Variants in XNDC1N observed in about 807,000 individuals in gnomAD.
The protein encoded by XNDC1N is XRCC1 N-terminal domain containing 1, N-terminal like, also known as protein XNDC1N.
chr11:71,920,159 C>T, the XNDC1N span, among the ~76,000 whole-genome samples: 2 of 138,584 alleles, frequency 1.4e-5, no homozygotes, highest in African/African-American at 2.7e-5. Flanking sequence ...CGGGGTTTCA[C>T]GTGTTAGCCA....
At chr11:71,927,899 C>G in the XNDC1N span, 1 of 152,392 alleles carries the variant, frequency 6.6e-6, no homozygotes, top group African/African-American at 2.4e-5. Context: ...TTCTGTTGGT[C>G]CCAATGTAAA....
the XNDC1N span, among the ~76,000 whole-genome samples, chr11:71,923,131 G>A: frequency 2.0e-5 from 3 of 152,296 alleles, no homozygotes; most frequent in African/African-American, 4.8e-5. Flanking sequence ...CTTCTTTTGC[G>A]CATCCTGCAC....
At chr11:71,899,635 C>A in the XNDC1N span, among the ~76,000 whole-genome samples, 4 of 152,174 alleles carry the variant, frequency 2.6e-5, no homozygotes, top group Non-Finnish European at 4.4e-5. Context: ...TAAAAGTCAT[C>A]GCCATTCTCT....
At chr11:71,922,411 C>T in the XNDC1N span, among the ~76,000 whole-genome samples, 2 of 152,190 alleles carry the variant, frequency 1.3e-5, no homozygotes, top group Non-Finnish European at 2.9e-5. Context: ...TCAAGCAATT[C>T]TCCCATCATG....
the XNDC1N span, among the ~76,000 whole-genome samples, chr11:71,909,971 C>T: frequency 6.6e-6 from 1 of 152,248 alleles, no homozygotes; most frequent in Admixed American, 6.5e-5. Flanking sequence ...AGAAGACCAG[C>T]TCTGGCTAAG....
At chr11:71,870,298 G>T in the XNDC1N span, among the ~76,000 whole-genome samples, 1 of 152,140 alleles carries the variant, frequency 6.6e-6, no homozygotes, top group Non-Finnish European at 1.5e-5. Flanking sequence ...GTGGAATAAG[G>T]TGGGTTCCGT....
the XNDC1N span, among the ~76,000 whole-genome samples, chr11:71,892,258 A>C: frequency 2.0e-5 from 3 of 152,020 alleles, no homozygotes; most frequent in South Asian, 6.2e-4. Context: ...AACAAATAAC[A>C]TCGCAGGGTG....
chr11:71,907,801 C>T, the XNDC1N span, among the ~76,000 whole-genome samples: 1 of 152,104 alleles, frequency 6.6e-6, no homozygotes, highest in African/African-American at 2.4e-5. Flanking sequence ...TTGGGGGTGT[C>T]CACTTTCTGC....
the XNDC1N span, among the ~76,000 whole-genome samples, chr11:71,907,666 C>T: frequency 3.9e-5 from 6 of 151,994 alleles, no homozygotes; most frequent in African/African-American, 1.2e-4. Context: ...CCCTGGGATA[C>T]CAGGTGTCAG....
At chr11:71,906,577 T>C in the XNDC1N span, among the ~76,000 whole-genome samples, 12 of 152,232 alleles carry the variant, frequency 7.9e-5, no homozygotes, top group East Asian at 2.3e-3. Context: ...ATTGTGAAAT[T>C]AGTAGTGAAC....
At chr11:71,871,096 C>G in the XNDC1N span, among the ~76,000 whole-genome samples, 9 of 152,174 alleles carry the variant, frequency 5.9e-5, no homozygotes, top group Admixed American at 4.6e-4. Flanking sequence ...CATTGCAGCA[C>G]TTTTTGCAAT....
the XNDC1N span, chr11:71,919,074 G>T: frequency 1.4e-6 from 1 of 694,996 alleles, no homozygotes; most frequent in Non-Finnish European, 2.6e-6. Flanking sequence ...GCGCCCAAGG[G>T]AAAAAGGATG....
chr11:71,876,909 A>G, the XNDC1N span, among the ~76,000 whole-genome samples: 1 of 152,190 alleles, frequency 6.6e-6, no homozygotes, highest in Non-Finnish European at 1.5e-5. Context: ...CAGCACAATG[A>G]CCCTAAGATC....
the XNDC1N span, among the ~76,000 whole-genome samples, chr11:71,874,234 C>A: frequency 6.6e-6 from 1 of 152,180 alleles, no homozygotes; most frequent in South Asian, 2.1e-4. Context: ...ACACAAGAAT[C>A]GCTTGAACCT....
the XNDC1N span, among the ~76,000 whole-genome samples, chr11:71,885,600 A>G: frequency 6.6e-6 from 1 of 152,158 alleles, no homozygotes; most frequent in Non-Finnish European, 1.5e-5. Flanking sequence ...TGAACGTAAT[A>G]TCATGCTCTC....
chr11:71,884,173 A>G, the XNDC1N span: 1 of 374,314 alleles, frequency 2.7e-6, no homozygotes. Context: ...AATAGTTCTC[A>G]TTTAAAATTC....
the XNDC1N span, among the ~76,000 whole-genome samples, chr11:71,894,925 C>G: frequency 4.6e-5 from 7 of 152,326 alleles, no homozygotes; most frequent in African/African-American, 1.7e-4. Context: ...ATATCCTCTT[C>G]CACAGTTCAT....
At chr11:71,877,645 A>AAAAT in the XNDC1N span, among the ~76,000 whole-genome samples, 87 of 152,312 alleles carry the variant, frequency 5.7e-4, 1 homozygote, top group South Asian at 4.3e-3. Context: ...CTCTAAATAA[A>AAAAT]AAATAAATAA....
the XNDC1N span, chr11:71,893,890 T>G: frequency 1.1e-6 from 1 of 952,160 alleles, no homozygotes; most frequent in South Asian, 1.4e-5. Context: ...TCCTCACCTC[T>G]GTGTCTTCTT....
Sources: allele counts gnomAD v4.1 joint callset (sites outside exome capture counted in the v4.1 genomes callset), GRCh38; gene constraint gnomAD v4.1.1; transcripts MANE v1.5; gene names NCBI Gene and HGNC (gene_info 2026-07-23, HGNC 2026-07-21).